IGSF11: variants seen among roughly 807,000 people sequenced by gnomAD.
IGSF11 encodes the protein immunoglobulin superfamily member 11.
A neutral mutation model predicts 41.0 loss-of-function variants in IGSF11; 22 were observed. The ratio of observed to expected loss-of-function variants is 0.54; its 90% CI spans 0.38 to 0.77. IGSF11 has a LOEUF of 0.77. Among genes scored for constraint, IGSF11 ranks in the 30% least tolerant of loss-of-function variants. IGSF11 has a pLI of 0.00. For missense variants in IGSF11, 444 were observed against 530.8 expected, an observed-to-expected ratio of 0.84 and a Z score of 1.61; for synonymous variants, 219 against 201.3, an observed-to-expected ratio of 1.09 and a Z score of -0.74.
chr3:119,012,870 G>GC (rs1401278459), intron 1 of IGSF11: 2 of 152,198 alleles, frequency 1.3e-5, no homozygotes, highest in Non-Finnish European at 2.9e-5. Flanking sequence ...TGCTAAAAAA[G>GC]CAAGTTTAAG....
chr3:119,034,656 T>C lies in IGSF11; in HGVS notation c.-74A>G. On this transcript the variant is annotated 5_prime_UTR_variant, in exon 1 of 7. Transcript: ENST00000393775. Reference sequence around the variant, plus strand: ...AACAGGAGAGGAGCGGGCGTGAGTCTCCGCGCTCTTGGGGCAGCCTGGTCC... The same window carrying C: ...AACAGGAGAGGAGCGGGCGTGAGTCCCCGCGCTCTTGGGGCAGCCTGGTCC... 1 of 1,477,404 alleles carries C rather than the reference T, an allele frequency of 6.8e-7. No individual in the cohort carries two copies. The highest frequency in any genetic ancestry group is 9.0e-7 in the Non-Finnish European group (1 of 1,107,654). The allele number at this position is 1,477,404 out of a possible 1,614,324, so 91.5% of individuals were successfully genotyped here.
chr3:119,085,221 A>C (rs2076651506), intron 1 of IGSF11, among the ~76,000 whole-genome samples: 2 of 152,220 alleles, frequency 1.3e-5, no homozygotes, highest in Admixed American at 6.5e-5. Flanking sequence ...TGCATGGCTG[A>C]GTAACAACCT....
intron 1 of IGSF11, among the ~76,000 whole-genome samples, chr3:119,110,691 G>T (rs1406392640): frequency 2.0e-5 from 3 of 152,112 alleles, no homozygotes; most frequent in East Asian, 3.8e-4. Flanking sequence ...AGTCTTGATG[G>T]TCTTTACATT....
intron 1 of IGSF11, among the ~76,000 whole-genome samples, chr3:119,102,936 CAGA>C (rs1194369294): frequency 6.6e-6 from 1 of 151,628 alleles, no homozygotes; most frequent in Non-Finnish European, 1.5e-5. Flanking sequence ...TTCATATTTA[CAGA>C]AGGAGTGCAT....
chr3:119,008,446 T>G (rs553551690), intron 1 of IGSF11, among the ~76,000 whole-genome samples: 46 of 152,328 alleles, frequency 3.0e-4, no homozygotes, highest in Non-Finnish European at 6.2e-4. Context: ...AGTCTAAATC[T>G]GGATATTAAA....
chr3:119,128,404 G>GAAA (rs1178986294), intron 1 of IGSF11, among the ~76,000 whole-genome samples: 5 of 151,708 alleles, frequency 3.3e-5, no homozygotes, highest in African/African-American at 1.2e-4. Context: ...GAGAGAGAAA[G>GAAA]GAAGGAAAAG....
At chr3:119,084,081 C>T (rs1310951933) in intron 1 of IGSF11, among the ~76,000 whole-genome samples, 2 of 151,880 alleles carry the variant, frequency 1.3e-5, no homozygotes, top group Non-Finnish European at 2.9e-5. Context: ...TAGTTTTTAA[C>T]AAAAAAGTTT....
rs1392690851 is a variant in IGSF11 at position 118,902,981 on chromosome 3, G to A, written c.855-20C>T. On this transcript the variant is annotated intron_variant, in intron 6 of 6. Transcript: ENST00000393775. Reference sequence around the variant, plus strand: ...TCCTCTCTGAAAGGAACAAAATAAAGTCGTTGTTAGGATTTACTTCAAGTT... The same window carrying A: ...TCCTCTCTGAAAGGAACAAAATAAAATCGTTGTTAGGATTTACTTCAAGTT... 7 of 1,604,816 alleles carry A rather than the reference G, an allele frequency of 4.4e-6. No individual in the cohort carries two copies. The Admixed American group carries it at 1.2e-4, about 27-fold the overall frequency.
chr3:119,080,486 T>C (rs1190478743), intron 1 of IGSF11, among the ~76,000 whole-genome samples: 1 of 152,208 alleles, frequency 6.6e-6, no homozygotes, highest in Non-Finnish European at 1.5e-5. Flanking sequence ...TTTTCTTCTC[T>C]TATTTCTTAA....
chr3:118,923,008 T>C (rs1360351774), intron 4 of IGSF11, among the ~76,000 whole-genome samples: 1 of 152,106 alleles, frequency 6.6e-6, no homozygotes, highest in East Asian at 1.9e-4. Flanking sequence ...AAACAGGATG[T>C]CCTTAAACAC....
rs1403085204 is a variant in IGSF11 at position 118,927,097 on chromosome 3, A to AAG, written c.425-843_425-842dup. 3.3e-5 allele frequency among the ~76,000 whole-genome samples: 5 copies of AAG among 152,264 alleles called. 1 individual carries two copies. Among genetic ancestry groups the AAG allele is most frequent in the East Asian group, 1.9e-4 (1 of 5,188 alleles). Reference sequence around the variant, plus strand: ...TATACACAGGAATCAGGAAAAAAAAAAGTGGGTAGGGGAAGAGAGAACAAT... The same window carrying AAG: ...TATACACAGGAATCAGGAAAAAAAAAAGAGTGGGTAGGGGAAGAGAGAACAAT... On this transcript the variant is annotated intron_variant, in intron 3 of 6. Transcript: ENST00000393775.
chr3:118,974,262 TA>T (rs1481930367), intron 1 of IGSF11, among the ~76,000 whole-genome samples: 1 of 152,084 alleles, frequency 6.6e-6, no homozygotes, highest in Non-Finnish European at 1.5e-5. Context: ...AGTATTTGAA[TA>T]AAAAAGAGAC....
Position 118,985,914 on chromosome 3 carries a change from A to G in IGSF11, c.52+48617T>C, listed in dbSNP as rs147271102. Among the ~76,000 whole-genome samples the G allele has an allele frequency of 1.1e-3, 161 of 152,236 alleles. 1 individual carries two copies. The highest frequency in any genetic ancestry group is 3.7e-3 in the African/African-American group (152 of 41,550). On this transcript the variant is annotated intron_variant, in intron 1 of 6. Coordinates refer to ENST00000393775, the MANE Select transcript of IGSF11 (RefSeq NM_001015887.3). ...TGATCTTGTCACAACCTCAGTATAG[A>G]GCCTTGAAATGAATGGCCCCCATTC...
intron 1 of IGSF11, among the ~76,000 whole-genome samples, chr3:119,087,739 C>T (rs924928352): frequency 5.9e-5 from 9 of 151,622 alleles, no homozygotes; most frequent in African/African-American, 2.2e-4. Flanking sequence ...ATTTATGTAA[C>T]CAAATGCCAC....
intron 1 of IGSF11, among the ~76,000 whole-genome samples, chr3:118,936,041 TAA>T (rs1243723204): frequency 6.6e-6 from 1 of 152,004 alleles, no homozygotes; most frequent in African/African-American, 2.4e-5. Context: ...CTTAGAGTAA[TAA>T]AAAGTTTCTT....
rs1943216222 is a variant in IGSF11 at position 118,935,664 on chromosome 3, C to T, written c.53-5389G>A. Among the ~76,000 whole-genome samples, 3 of 151,978 alleles carry T rather than the reference C, an allele frequency of 2.0e-5. No individual in the cohort carries two copies. In the South Asian group the frequency reaches 6.2e-4, roughly 32 times the overall value. ...AAAAGACTCACTCGCTCTATTCCCA[C>T]CTTGGAGGTGAACACACATGAAAGC... On this transcript the variant is annotated intron_variant, in intron 1 of 6. Transcript: ENST00000393775.
At chr3:119,021,822 A>T (rs1215683080) in intron 1 of IGSF11, among the ~76,000 whole-genome samples, 1 of 152,198 alleles carries the variant, frequency 6.6e-6, no homozygotes, top group Non-Finnish European at 1.5e-5. Flanking sequence ...AGAGAAAAAA[A>T]TTGCTTAAAT....
chr3:119,090,556 A>G (rs1421319556), intron 1 of IGSF11, among the ~76,000 whole-genome samples: 2 of 152,226 alleles, frequency 1.3e-5, no homozygotes, highest in African/African-American at 2.4e-5. Flanking sequence ...ATGGAACAGA[A>G]TTTAAAAACT....
chr3:119,113,683 T>C (rs2077216437), intron 1 of IGSF11, among the ~76,000 whole-genome samples: 1 of 152,150 alleles, frequency 6.6e-6, no homozygotes, highest in Admixed American at 6.5e-5. Flanking sequence ...GGATCTACCA[T>C]TCTGGGGTGT....
Sources: gnomAD v4.1 joint callset for allele counts (sites outside exome capture counted in the v4.1 genomes callset) on GRCh38, gnomAD v4.1.1 for gene constraint, MANE v1.5 for transcripts, NCBI Gene and HGNC (gene_info 2026-07-23, HGNC 2026-07-21) for gene names.